The following SOCS6 variants were observed in gnomAD, a reference collection of about 807,000 sequenced individuals.
SOCS6 encodes the protein STAT induced STAT inhibitor-4.
Under a neutral mutation model 27.7 loss-of-function variants are expected in SOCS6, and 5 were observed. The observed-to-expected ratio is 0.18, with a 90% confidence interval of 0.09 to 0.38. The LOEUF (loss-of-function observed/expected upper bound fraction) is 0.38, where lower values mean the gene tolerates loss of function less well. Ranked by LOEUF, SOCS6 falls within the 10% of genes least tolerant of loss-of-function variation. SOCS6 has a pLI of 1.00. For missense variants in SOCS6, 595 were observed against 688.1 expected (o/e 0.86, Z 1.51); for synonymous variants, 271 against 260.0 (o/e 1.04, Z -0.41).
At chr18:70,289,958 T>C (rs1488013143) in intron 1 of SOCS6, among the ~76,000 whole-genome samples, 1 of 152,196 alleles carries the variant, frequency 6.6e-6, no homozygotes, top group Admixed American at 6.5e-5. Flanking sequence ...GTAGTGTGTG[T>C]GCCAACTTAA....
At chr18:70,314,686 G>C (rs1281221031) in intron 1 of SOCS6, among the ~76,000 whole-genome samples, 1 of 152,178 alleles carries the variant, frequency 6.6e-6, no homozygotes, top group East Asian at 1.9e-4. Flanking sequence ...TGCATCTATT[G>C]AATTTTCAGA....
At chr18:70,318,551 T>A (rs1235811506) in intron 1 of SOCS6, among the ~76,000 whole-genome samples, 1 of 151,778 alleles carries the variant, frequency 6.6e-6, no homozygotes, top group Non-Finnish European at 1.5e-5. Context: ...AGAGATTTTA[T>A]GATATTTTGA....
At chr18:70,321,034 T>C (rs1450628916) in intron 1 of SOCS6, among the ~76,000 whole-genome samples, 1 of 152,156 alleles carries the variant, frequency 6.6e-6, no homozygotes, top group Non-Finnish European at 1.5e-5. Context: ...CCCAGCACTT[T>C]GGGAAGCTGA....
At chr18:70,305,201 C>T (rs2062364264) in intron 1 of SOCS6, among the ~76,000 whole-genome samples, 1 of 151,850 alleles carries the variant, frequency 6.6e-6, no homozygotes, top group Non-Finnish European at 1.5e-5. Flanking sequence ...GAGCAAGACG[C>T]CGTCTCAAAA....
intron 1 of SOCS6, among the ~76,000 whole-genome samples, chr18:70,303,499 A>G (rs201644424): frequency 1.3e-5 from 2 of 152,188 alleles, no homozygotes; most frequent in Non-Finnish European, 2.9e-5. Flanking sequence ...TTATGGCTGT[A>G]TTAAGATCCT....
chr18:70,294,271 TATTA>T (rs2062313639), intron 1 of SOCS6, among the ~76,000 whole-genome samples: 1 of 152,096 alleles, frequency 6.6e-6, no homozygotes, highest in African/African-American at 2.4e-5. Flanking sequence ...TAATTATTAC[TATTA>T]ATTCTTTTCT....
At chr18:70,322,930 A>G (rs1398642233) in intron 1 of SOCS6, among the ~76,000 whole-genome samples, 1 of 152,166 alleles carries the variant, frequency 6.6e-6, no homozygotes, top group Admixed American at 6.6e-5. Context: ...GTGTACCATT[A>G]TATTACTGAA....
At chr18:70,306,398 T>TCTTGAACC (rs1478177346) in intron 1 of SOCS6, among the ~76,000 whole-genome samples, 1 of 145,006 alleles carries the variant, frequency 6.9e-6, no homozygotes, top group Non-Finnish European at 1.5e-5. Flanking sequence ...CAGGAGAATC[T>TCTTGAACC]CTTGAACCTG....
chr18:70,290,258 AG>A (rs979547344), intron 1 of SOCS6, among the ~76,000 whole-genome samples: 8 of 152,252 alleles, frequency 5.3e-5, no homozygotes, highest in Non-Finnish European at 8.8e-5. Flanking sequence ...ATCAAACAAA[AG>A]TAAACGTTCT....
At chr18:70,290,101 C>T (rs2062292225) in intron 1 of SOCS6, among the ~76,000 whole-genome samples, 1 of 152,194 alleles carries the variant, frequency 6.6e-6, no homozygotes, top group South Asian at 2.1e-4. Flanking sequence ...ACAAATGTTT[C>T]TGCAACGTCT....
chr18:70,321,421 A>G (rs569659293), intron 1 of SOCS6, among the ~76,000 whole-genome samples: 40 of 141,012 alleles, frequency 2.8e-4, no homozygotes, highest in African/African-American at 9.9e-4. Flanking sequence ...CCCAGTCTCA[A>G]GCAATTCTTC....
chr18:70,311,781 C>T (rs375030921), intron 1 of SOCS6, among the ~76,000 whole-genome samples: 75 of 152,268 alleles, frequency 4.9e-4, no homozygotes, highest in African/African-American at 1.8e-3. Flanking sequence ...CTCGCTTTAT[C>T]TCTACAACAT....
At chr18:70,317,504 A>G (rs1426631404) in intron 1 of SOCS6, among the ~76,000 whole-genome samples, 2,551 of 118,744 alleles carry the variant, frequency 0.021, 146 homozygotes, top group African/African-American at 0.097. Flanking sequence ...ACATATATAC[A>G]TACATATATA....
intron 1 of SOCS6, among the ~76,000 whole-genome samples, chr18:70,311,896 T>C (rs1316941877): frequency 6.6e-6 from 1 of 152,188 alleles, no homozygotes; most frequent in Non-Finnish European, 1.5e-5. Flanking sequence ...AAATGAATTA[T>C]GCAGTAAATG....
rs553511353 is a variant in SOCS6, at chr18:70,321,177, G to C, written c.-126-3366G>C. Among the ~76,000 whole-genome samples, 359 of 151,888 alleles carry C rather than the reference G, an allele frequency of 2.4e-3. 2 individuals are homozygous for C. Among genetic ancestry groups the C allele is most frequent in the Non-Finnish European group, 3.9e-3 (265 of 67,954 alleles). On this transcript the variant is annotated intron_variant, in intron 1 of 1. Transcript: ENST00000397942. ...TAGTACCAACTGCTCAGGAGGCTGA[G>C]GTGGGAGGATCTCTTGAACCCAGGA...
At chr18:70,319,854 A>T (rs527639106) in intron 1 of SOCS6, among the ~76,000 whole-genome samples, 1 of 152,248 alleles carries the variant, frequency 6.6e-6, no homozygotes, top group Non-Finnish European at 1.5e-5. Flanking sequence ...TGAAATAACC[A>T]CTTTTACTAA....
chr18:70,310,350 C>T (rs1048999946), intron 1 of SOCS6, among the ~76,000 whole-genome samples: 17 of 150,350 alleles, frequency 1.1e-4, no homozygotes, highest in East Asian at 3.9e-4. Flanking sequence ...AGTCACAGGT[C>T]GCTGCAGCCT....
At chr18:70,303,731 C>T (rs1409577986) in intron 1 of SOCS6, among the ~76,000 whole-genome samples, 1 of 152,134 alleles carries the variant, frequency 6.6e-6, no homozygotes, top group Non-Finnish European at 1.5e-5. Flanking sequence ...GCAGAGGTTG[C>T]TGTGAGCTGA....
chr18:70,310,220 T>C (rs900144284), intron 1 of SOCS6, among the ~76,000 whole-genome samples: 9 of 152,120 alleles, frequency 5.9e-5, no homozygotes, highest in African/African-American at 1.4e-4. Flanking sequence ...TAGTTACTTT[T>C]GGGGAAGGAG....
Sources: gnomAD v4.1 joint callset for allele counts (sites outside exome capture counted in the v4.1 genomes callset) on GRCh38, gnomAD v4.1.1 for gene constraint, MANE v1.5 for transcripts, NCBI Gene and HGNC (gene_info 2026-07-23, HGNC 2026-07-21) for gene names.